USP35: variants seen among roughly 807,000 people sequenced by gnomAD.
USP35 encodes the protein ubiquitin carboxyl-terminal hydrolase 35.
Under a neutral mutation model 83.8 loss-of-function variants are expected in USP35, and 69 were observed. The ratio of observed to expected loss-of-function variants is 0.82; its 90% CI spans 0.68 to 1.01. The LOEUF is 1.01. Among genes scored for constraint, USP35 ranks in the 50% least tolerant of loss-of-function variants. The pLI is 0.00. For missense variants in USP35, 1,503 were observed against 1,362.5 expected (o/e 1.10, Z -1.62); for synonymous variants, 714 against 589.5 (o/e 1.21, Z -3.06).
chr11:78,216,375 C>CATGGATAG (rs937723173), downstream of USP35: 11 of 152,268 alleles, frequency 7.2e-5, no homozygotes, highest in Admixed American at 6.5e-4. Context: ...GACTTTGACC[C>CATGGATAG]ATGGATAGGC....
chr11:78,207,644 AGG>A lies in USP35; in HGVS notation c.1485+26_1485+27del, dbSNP rs1196963732. ...GCCAGGTGAGTGTAGGGGCAGTCAG[AGG>A]GGGGTGGAGAGGCAGCTCTGGTCAG... On this transcript the variant is annotated intron_variant, in intron 8 of 10. Coordinates refer to ENST00000529308, the MANE Select transcript of USP35 (RefSeq NM_020798.4). 15 of 1,610,998 alleles carry A rather than the reference AGG, an allele frequency of 9.3e-6. No homozygotes were observed. The African/African-American group carries it at 1.9e-4, about 20-fold the overall frequency.
chr11:78,219,922 C>T (rs1045045714), downstream of USP35, among the ~76,000 whole-genome samples: 1 of 152,182 alleles, frequency 6.6e-6, no homozygotes, highest in Non-Finnish European at 1.5e-5. Context: ...GCCTGGAAGT[C>T]CCTTCTGAAG....
chr11:78,206,390 T>A (rs1439783109), intron 7 of USP35, among the ~76,000 whole-genome samples: 1 of 152,224 alleles, frequency 6.6e-6, no homozygotes, highest in African/African-American at 2.4e-5. Flanking sequence ...TCTTTTAAAA[T>A]GAAACAAACA....
chr11:78,220,275 G>C, the USP35 span: 3 of 1,608,564 alleles, frequency 1.9e-6, no homozygotes, highest in Non-Finnish European at 2.5e-6. Flanking sequence ...CTGCCTCCGG[G>C]ACCCTGAGAG....
chr11:78,197,966 G>C lies in USP35; in HGVS notation c.704G>C (p.Ser235Thr). Residue 235 changes from serine to threonine, a missense_variant, in exon 3 of 11, where the codon AGC becomes ACC. By Grantham distance (58) the Ser-to-Thr change is moderately conservative. Coordinates refer to ENST00000529308, the MANE Select transcript of USP35 (RefSeq NM_020798.4). The part of the protein sequence containing the change: ...EEEPPSSALA[S>T]VVQHLPLELM... Reference sequence around the variant, plus strand: ...GAGCCACCATCTAGCGCCCTGGCCAGCGTGGTCCAGCACCTCCCATTGGAG... The same window carrying C: ...GAGCCACCATCTAGCGCCCTGGCCACCGTGGTCCAGCACCTCCCATTGGAG... 2 of 1,614,200 alleles carry C rather than the reference G, an allele frequency of 1.2e-6. No individual in the cohort carries two copies. Among genetic ancestry groups the C allele is most frequent in the Non-Finnish European group, 1.7e-6 (2 of 1,180,020 alleles).
Position 78,213,982 on chromosome 11 carries a change from T to G in USP35, c.*169T>G. The G allele has an allele frequency of 2.8e-6, 2 of 701,858 alleles. No homozygotes were observed. Among genetic ancestry groups the G allele is most frequent in the Non-Finnish European group, 4.2e-6 (2 of 474,382 alleles). The allele number at this position is 701,858 out of a possible 1,614,324, so 43.5% of individuals were successfully genotyped here. On this transcript the variant is annotated 3_prime_UTR_variant, in exon 11 of 11. Transcript: ENST00000529308. Reference sequence around the variant, plus strand: ...TTCTCTCAGATATGGAAGTAAGACCTAAGTCCCTTTCATTGGGGATCAGTC... The same window carrying G: ...TTCTCTCAGATATGGAAGTAAGACCGAAGTCCCTTTCATTGGGGATCAGTC...
the USP35 span, chr11:78,226,577 T>C: frequency 7.3e-7 from 1 of 1,361,854 alleles, no homozygotes; most frequent in African/African-American, 1.7e-5. Flanking sequence ...GACTGCCCCA[T>C]CGAGGTGTTT....
At chr11:78,231,679 T>G in the USP35 span, 1 of 152,174 alleles carries the variant, frequency 6.6e-6, no homozygotes, top group African/African-American at 2.4e-5. Context: ...GTTTTCTAGT[T>G]TTTCTAGCCA....
At position 78,196,331 on chromosome 11, in the gene USP35, C is replaced by G. The variant is rs755110373; in HGVS notation, c.86C>G (p.Ala29Gly). 6.3e-7 allele frequency: 1 copy of G among 1,584,714 alleles called. No individual in the cohort carries two copies. The highest frequency in any genetic ancestry group is 8.5e-7 in the Non-Finnish European group (1 of 1,173,524). Residue 29 changes from alanine to glycine, a missense_variant, in exon 2 of 11, where the codon GCG (alanine) becomes GGG (glycine). Physicochemically the swap from Ala to Gly is moderately conservative, Grantham distance 60. Coordinates refer to ENST00000529308, the MANE Select transcript of USP35 (RefSeq NM_020798.4). This position sits in a 1 kb window ranked among gnomAD's most constrained non-coding sequence, Gnocchi z 4.8. ...QGLVRRVLEAARQPLEREQCL... is the reference protein window; with the variant it reads ...QGLVRRVLEAGRQPLEREQCL... ...CTGGTTCGGCGCGTGCTGGAGGCGG[C>G]GCGGCAGCCGCTGGAGCGTGAGCAG...
At chr11:78,216,576 C>T (rs1864157031), downstream of USP35, 1 of 149,364 alleles carries the variant, frequency 6.7e-6, no homozygotes, top group African/African-American at 2.6e-5. Flanking sequence ...TTGGTAGTTA[C>T]CAGAATAGGG....
At position 78,210,689 on chromosome 11, in the gene USP35, C is replaced by A. The variant is rs370683163; in HGVS notation, c.2834C>A (p.Thr945Asn). The A allele has an allele frequency of 6.2e-7, 1 of 1,600,482 alleles. No individual in the cohort carries two copies. ...LGSSRVRTEP[T>N]LHKDLMEAIS... ...TCTTCTAGAGTCCGGACAGAGCCCA[C>A]CCTGCACAAGGACTTGATGGAAGCC... The change falls in exon 10 of 11, where the codon ACC becomes AAC. Residue 945 changes from threonine to asparagine, a missense_variant. Transcript: ENST00000529308.
In USP35 at chr11:78,196,639, G is replaced by A. The variant is rs999764743; in HGVS notation, c.394G>A (p.Val132Met). The change falls in exon 2 of 11, where the codon GTG (valine) becomes ATG (methionine). Residue 132 changes from valine to methionine, a missense_variant. By Grantham distance (21) the Val-to-Met change is conservative (BLOSUM62 1). Transcript: ENST00000529308. The surrounding 1 kb of genome is among the most constrained non-coding windows in gnomAD (Gnocchi z 4.8). Reference sequence around the variant, plus strand: ...GCTGCGGCGCGAGGTGCTGCGCACCGTGTGCGAGCGCCCGGGCCCCGCGGC... The same window carrying A: ...GCTGCGGCGCGAGGTGCTGCGCACCATGTGCGAGCGCCCGGGCCCCGCGGC... ...ALLRREVLRT[V>M]CERPGPAACA... 5 of 1,370,750 alleles carry A rather than the reference G, an allele frequency of 3.6e-6. No homozygotes were observed. The highest frequency in any genetic ancestry group is 3.2e-5 in the East Asian group (1 of 31,558). The allele number at this position is 1,370,750 out of a possible 1,614,324, so 84.9% of individuals were successfully genotyped here.
the USP35 span, among the ~76,000 whole-genome samples, chr11:78,233,040 G>GTTTTTTTTTTTT: frequency 5.3e-3 from 703 of 131,828 alleles, 42 homozygotes; most frequent in African/African-American, 0.02. Flanking sequence ...GCACTGTTAA[G>GTTTTTTTTTTTT]TTTTTTTTTT....
Position 78,214,056 on chromosome 11 carries a change from G to T in USP35, c.*243G>T, listed in dbSNP as rs1364637462. ...GTCCTGGTTAACTTGAAGCAGCCGA[G>T]ATGGGCACACACGGGTCTTTGCCTC... is the stretch of plus-strand genomic sequence containing the variant. On this transcript the variant is annotated 3_prime_UTR_variant, in exon 11 of 11. Coordinates refer to ENST00000529308, the MANE Select transcript of USP35 (RefSeq NM_020798.4). 15 of 412,450 alleles carry T rather than the reference G, an allele frequency of 3.6e-5. No individual in the cohort carries two copies. Among genetic ancestry groups the T allele is most frequent in the Non-Finnish European group, 5.9e-5 (14 of 237,108 alleles). The allele number at this position is 412,450 out of a possible 1,614,324, so 25.5% of individuals were successfully genotyped here.
chr11:78,216,009 C>T (rs1590929912), downstream of USP35: 1 of 152,760 alleles, frequency 6.5e-6, no homozygotes, highest in Non-Finnish European at 1.5e-5. Flanking sequence ...TTGGAAACCA[C>T]TAAAGTCAAG....
chr11:78,228,332 A>G, the USP35 span, among the ~76,000 whole-genome samples: 37 of 150,740 alleles, frequency 2.5e-4, no homozygotes, highest in East Asian at 9.6e-4. Context: ...TCACTTGGGG[A>G]AAAAAAGAAT....
Position 78,200,194 on chromosome 11 carries a change from T to C in USP35, c.998T>C (p.Met333Thr), listed in dbSNP as rs200421480. 2.8e-4 allele frequency: 460 copies of C among 1,614,048 alleles called. No homozygotes were observed. Among genetic ancestry groups the C allele is most frequent in the Non-Finnish European group, 3.7e-4 (432 of 1,180,016 alleles). Residue 333 changes from methionine (M) to threonine (T), a missense_variant, in exon 5 of 11, where the codon ATG becomes ACG. Physicochemically the swap from Met to Thr is moderately conservative, Grantham distance 81. Transcript: ENST00000529308. ...RGAALSVLKYMLLTFQHSHEA... is the reference protein window; with the variant it reads ...RGAALSVLKYTLLTFQHSHEA... ...GCTGCCTTGTCTGTGCTCAAGTACA[T>C]GCTCCTGACCTTCCAGCACTCCCAC...
the USP35 span, chr11:78,223,615 A>G: frequency 6.2e-7 from 1 of 1,613,408 alleles, no homozygotes; most frequent in Non-Finnish European, 8.5e-7. Flanking sequence ...ACCTGGATTC[A>G]TGGGCACATA....
intron 1 of USP35, among the ~76,000 whole-genome samples, chr11:78,192,831 A>C (rs1863043377): frequency 6.6e-6 from 1 of 152,228 alleles, no homozygotes; most frequent in African/African-American, 2.4e-5. Flanking sequence ...ACTGAGGGTC[A>C]CACAATGAGT....
Sources: allele counts gnomAD v4.1 joint callset (sites outside exome capture counted in the v4.1 genomes callset), GRCh38; gene constraint gnomAD v4.1.1; non-coding constraint Gnocchi (gnomAD v3.1); transcripts MANE v1.5; gene names NCBI Gene and HGNC (gene_info 2026-07-23, HGNC 2026-07-21).